TENM3: variants seen among roughly 807,000 people sequenced by gnomAD.
TENM3 encodes the protein teneurin-3.
A neutral mutation model predicts 255.1 loss-of-function variants in TENM3; 63 were observed. The observed-to-expected ratio is 0.25, with a 90% confidence interval of 0.20 to 0.30. The LOEUF (loss-of-function observed/expected upper bound fraction) is 0.30, where lower values mean the gene tolerates loss of function less well. TENM3 is among the 10% of genes least tolerant of loss of function. The probability of loss-of-function intolerance (pLI) is 1.00; values close to 1 mark genes in which losing one functional copy is unlikely to be tolerated. For synonymous variants in TENM3, 1,306 were observed against 1,322.3 expected, an observed-to-expected ratio of 0.99 and a Z score of 0.27; for missense variants, 2,929 against 3,461.1, an observed-to-expected ratio of 0.85 and a Z score of 3.86.
chr4:181,792,157 G>C, the TENM3 span, among the ~76,000 whole-genome samples: 1 of 152,164 alleles, frequency 6.6e-6, no homozygotes, highest in Non-Finnish European at 1.5e-5. Flanking sequence ...ATTGTTGTAA[G>C]TGAAGTCACA....
chr4:181,686,311 T>G, the TENM3 span, among the ~76,000 whole-genome samples: 258 of 152,324 alleles, frequency 1.7e-3, no homozygotes, highest in Middle Eastern at 3.4e-3. Flanking sequence ...TGATAATTCC[T>G]TGTTTCAGAA....
the TENM3 span, among the ~76,000 whole-genome samples, chr4:181,732,784 G>A: frequency 2.0e-5 from 3 of 152,024 alleles, no homozygotes; most frequent in East Asian, 1.9e-4. Context: ...GTAGGGGGGC[G>A]GGGGATGAGT....
intron 3 of TENM3, among the ~76,000 whole-genome samples, chr4:182,493,410 G>A (rs1735484011): frequency 6.6e-6 from 1 of 152,106 alleles, no homozygotes; most frequent in African/African-American, 2.4e-5. Flanking sequence ...CTTTCAAAGG[G>A]TGACCCAGTA....
the TENM3 span, among the ~76,000 whole-genome samples, chr4:181,596,823 A>G: frequency 6.6e-6 from 1 of 152,068 alleles, no homozygotes; most frequent in Non-Finnish European, 1.5e-5. Flanking sequence ...TAGCAAACTC[A>G]CCCAGGAACA....
At chr4:181,939,721 C>T in the TENM3 span, among the ~76,000 whole-genome samples, 1 of 152,192 alleles carries the variant, frequency 6.6e-6, no homozygotes, top group Non-Finnish European at 1.5e-5. Context: ...GGGCGCTCAG[C>T]ACATGGCAGG....
At chr4:182,760,950 G>T in intron 22 of TENM3, among the ~76,000 whole-genome samples, 1 of 152,134 alleles carries the variant, frequency 6.6e-6, no homozygotes, top group East Asian at 1.9e-4. Flanking sequence ...CACAAATAAT[G>T]CAGGAAAACG....
At chr4:182,014,665 A>G in the TENM3 span, among the ~76,000 whole-genome samples, 61 of 152,052 alleles carry the variant, frequency 4.0e-4, no homozygotes, top group Admixed American at 1.3e-3. Flanking sequence ...GCTGATCCTG[A>G]GGTGAGAAGC....
the TENM3 span, among the ~76,000 whole-genome samples, chr4:181,892,651 TTCACTCCTAG>T: frequency 6.6e-6 from 1 of 152,296 alleles, no homozygotes; most frequent in East Asian, 1.9e-4. Flanking sequence ...CATGCTCCGA[TTCACTCCTAG>T]TCTTTTTTCT....
chr4:182,649,379 A>G (rs1032439799), intron 5 of TENM3, among the ~76,000 whole-genome samples: 5 of 150,566 alleles, frequency 3.3e-5, no homozygotes, highest in African/African-American at 1.2e-4. Context: ...TATATCTCAG[A>G]TAGGCAGTAT....
the TENM3 span, chr4:182,084,971 A>G: frequency 6.6e-6 from 1 of 152,200 alleles, no homozygotes; most frequent in Non-Finnish European, 1.5e-5. Flanking sequence ...GTATGACAAA[A>G]TGCAGAGAAA....
At chr4:182,064,152 G>T in the TENM3 span, among the ~76,000 whole-genome samples, 1 of 149,218 alleles carries the variant, frequency 6.7e-6, no homozygotes, top group Non-Finnish European at 1.5e-5. Context: ...ATTTAAATGA[G>T]ATAATGCATG....
chr4:182,778,254 G>GA (rs1010935400), intron 24 of TENM3, among the ~76,000 whole-genome samples: 20 of 150,752 alleles, frequency 1.3e-4, no homozygotes, highest in African/African-American at 2.7e-4. Flanking sequence ...GAGGCTTAGA[G>GA]AAAAAAAAAT....
At chr4:182,605,901 G>C (rs1285554245) in intron 4 of TENM3, among the ~76,000 whole-genome samples, 2 of 152,164 alleles carry the variant, frequency 1.3e-5, no homozygotes, top group Non-Finnish European at 2.9e-5. Flanking sequence ...AGCTGTACCA[G>C]GCAAAGAGGG....
intron 3 of TENM3, among the ~76,000 whole-genome samples, chr4:182,363,898 G>A (rs1378871668): frequency 2.0e-5 from 3 of 152,060 alleles, no homozygotes; most frequent in Non-Finnish European, 4.4e-5. Flanking sequence ...AAGATTCCTA[G>A]GGGATTTGAA....
At chr4:181,536,396 G>A in the TENM3 span, among the ~76,000 whole-genome samples, 4 of 152,212 alleles carry the variant, frequency 2.6e-5, no homozygotes, top group Admixed American at 6.5e-5. Flanking sequence ...CCAGCTCTGA[G>A]ATGACGTCAC....
rs1289482180 is a variant in TENM3 at position 182,477,391 on chromosome 4, AC to A, written c.512-123530del. 9.9e-5 allele frequency among the ~76,000 whole-genome samples: 15 copies of A among 152,264 alleles called. No homozygotes were observed. The East Asian group carries it at 2.3e-3, about 24-fold the overall frequency. On this transcript the variant is annotated intron_variant, in intron 3 of 27. Transcript: ENST00000511685. ...TCCACCTTCATTGAGACCCTGCAAGACCCTGGCAGCCTTGGCTTCCAGGCAT... is the reference window on the plus strand; with the variant it reads ...TCCACCTTCATTGAGACCCTGCAAGACCTGGCAGCCTTGGCTTCCAGGCAT...
chr4:182,354,531 G>GT lies in TENM3; in HGVS notation c.511+7609dup, dbSNP rs542661727. Among the ~76,000 whole-genome samples the GT allele has an allele frequency of 7.9e-5, 12 of 152,102 alleles. No individual in the cohort carries two copies. In the South Asian group the frequency reaches 2.1e-3, roughly 26 times the overall value. On this transcript the variant is annotated intron_variant, in intron 3 of 27. Coordinates refer to ENST00000511685, the MANE Select transcript of TENM3 (RefSeq NM_001080477.4). ...GTGTCGGAAAAGCAGCTAACTGAGGGTTTTTTTGGTGTTGTTTAAAGAATA... is the reference window on the plus strand; with the variant it reads ...GTGTCGGAAAAGCAGCTAACTGAGGGTTTTTTTTGGTGTTGTTTAAAGAATA...
At chr4:182,455,721 C>T (rs1241258584) in intron 3 of TENM3, among the ~76,000 whole-genome samples, 1 of 151,986 alleles carries the variant, frequency 6.6e-6, no homozygotes, top group Non-Finnish European at 1.5e-5. Context: ...ACCAACACAC[C>T]CAGCTAATTT....
At chr4:182,178,878 T>G (rs1432036459) in intron 1 of TENM3, among the ~76,000 whole-genome samples, 1 of 152,208 alleles carries the variant, frequency 6.6e-6, no homozygotes, top group African/African-American at 2.4e-5. Flanking sequence ...CCTGTATACA[T>G]CTGTAAATTT....
Sources: gnomAD v4.1 joint callset for allele counts (sites outside exome capture counted in the v4.1 genomes callset) on GRCh38, gnomAD v4.1.1 for gene constraint, MANE v1.5 for transcripts, NCBI Gene and HGNC (gene_info 2026-07-23, HGNC 2026-07-21) for gene names.